The following CHCHD3 variants were observed in gnomAD, a reference collection of about 807,000 sequenced individuals.
The protein encoded by CHCHD3 is MICOS complex subunit MIC19.
A neutral mutation model predicts 38.2 loss-of-function variants in CHCHD3; 20 were observed. The ratio of observed to expected loss-of-function variants is 0.52; its 90% CI spans 0.37 to 0.76. The LOEUF (loss-of-function observed/expected upper bound fraction) is 0.76. CHCHD3 is among the 30% of genes least tolerant of loss of function. CHCHD3 has a pLI of 0.00. For missense variants in CHCHD3, 245 were observed against 279.2 expected, an observed-to-expected ratio of 0.88 and a Z score of 0.87; for synonymous variants, 82 against 100.0, an observed-to-expected ratio of 0.82 and a Z score of 1.07.
At chr7:132,829,561 A>C (rs373109862) in intron 6 of CHCHD3, among the ~76,000 whole-genome samples, 1 of 152,208 alleles carries the variant, frequency 6.6e-6, no homozygotes, top group East Asian at 1.9e-4. Context: ...ACATGTTTAC[A>C]CATAAACCAC....
At chr7:133,062,093 T>A (rs1267176332) in intron 2 of CHCHD3, among the ~76,000 whole-genome samples, 4 of 151,560 alleles carry the variant, frequency 2.6e-5, no homozygotes, top group African/African-American at 9.8e-5. Flanking sequence ...ACCTTACTTT[T>A]AAATTTTTTT....
At chr7:132,891,410 A>C (rs1809356543) in intron 4 of CHCHD3, among the ~76,000 whole-genome samples, 2 of 152,204 alleles carry the variant, frequency 1.3e-5, no homozygotes, top group South Asian at 4.1e-4. Context: ...ACTGATGTCC[A>C]CTAACACTAT....
At chr7:132,970,969 T>C (rs1035399106) in intron 4 of CHCHD3, among the ~76,000 whole-genome samples, 2 of 151,948 alleles carry the variant, frequency 1.3e-5, no homozygotes, top group Admixed American at 6.6e-5. Context: ...ATTTAAAAAA[T>C]CTAACATTAA....
At chr7:133,066,217 T>C (rs1751262741) in intron 2 of CHCHD3, among the ~76,000 whole-genome samples, 1 of 152,078 alleles carries the variant, frequency 6.6e-6, no homozygotes, top group South Asian at 2.1e-4. Flanking sequence ...ATTTGGAAAG[T>C]GTAGTTCTAG....
chr7:132,841,347 G>GT, intron 5 of CHCHD3, among the ~76,000 whole-genome samples: 1 of 148,978 alleles, frequency 6.7e-6, no homozygotes, highest in Non-Finnish European at 1.5e-5. Flanking sequence ...TTCAGAAAGA[G>GT]TAGAGATCTC....
At chr7:133,050,847 T>C (rs1168237023) in intron 2 of CHCHD3, among the ~76,000 whole-genome samples, 3 of 151,884 alleles carry the variant, frequency 2.0e-5, no homozygotes. Context: ...AAGCCCTGTC[T>C]CTGCTAAAAA....
chr7:132,881,800 T>C (rs1391460719), intron 5 of CHCHD3, among the ~76,000 whole-genome samples: 3 of 152,188 alleles, frequency 2.0e-5, no homozygotes, highest in African/African-American at 4.8e-5. Flanking sequence ...GAATTCCTAA[T>C]AGAAATAGTT....
chr7:132,850,576 G>A lies in CHCHD3; in HGVS notation c.454-12107C>T, dbSNP rs141899066. On this transcript the variant is annotated intron_variant, in intron 5 of 7. Transcript: ENST00000262570. The stretch of plus-strand genomic sequence containing the variant: ...TCATGCCTCAGTTTCTTCATCTGGG[G>A]AATTAAAATAAACAACTGCACCAAA... Among the ~76,000 whole-genome samples, 380 of 151,820 alleles carry A rather than the reference G, an allele frequency of 2.5e-3. 9 individuals are homozygous for A. The East Asian group carries it at 0.038, about 15-fold the overall frequency.
intron 6 of CHCHD3, among the ~76,000 whole-genome samples, chr7:132,812,817 C>A (rs756410832): frequency 6.6e-6 from 1 of 152,214 alleles, no homozygotes; most frequent in Non-Finnish European, 1.5e-5. Flanking sequence ...CTGCCTCCAT[C>A]TCTCTCTACG....
intron 3 of CHCHD3, among the ~76,000 whole-genome samples, chr7:133,016,718 CAG>C (rs1813040928): frequency 6.6e-6 from 1 of 152,190 alleles, no homozygotes; most frequent in South Asian, 2.1e-4. Flanking sequence ...GGAGGGGAAA[CAG>C]GGACTCTCTC....
At chr7:132,981,751 A>G (rs1307053716) in intron 3 of CHCHD3, among the ~76,000 whole-genome samples, 1 of 152,244 alleles carries the variant, frequency 6.6e-6, no homozygotes, top group East Asian at 1.9e-4. Context: ...ACATAAGGCC[A>G]TTACACTATG....
intron 4 of CHCHD3, among the ~76,000 whole-genome samples, chr7:132,939,371 T>A (rs1018172069): frequency 1.1e-4 from 16 of 152,292 alleles, no homozygotes; most frequent in Non-Finnish European, 2.2e-4. Flanking sequence ...TATACAAGTA[T>A]ACCATTTTTA....
In CHCHD3 at chr7:132,807,174, C is replaced by T. The variant is rs146089327; in HGVS notation, c.525-10597G>A. ...GGAGCTGGACACAGAACAGCAGAGA[C>T]GGAGTATGAACTTGGGGGAGGCCCC... On this transcript the variant is annotated intron_variant, in intron 6 of 7. Transcript: ENST00000262570. Among the ~76,000 whole-genome samples, 329 of 152,238 alleles carry T rather than the reference C, an allele frequency of 2.2e-3. 3 individuals carry two copies. Among genetic ancestry groups the T allele is most frequent in the African/African-American group, 7.5e-3 (313 of 41,546 alleles).
At chr7:133,022,910 AG>A (rs1275239340) in intron 3 of CHCHD3, among the ~76,000 whole-genome samples, 1 of 139,048 alleles carries the variant, frequency 7.2e-6, no homozygotes, top group Non-Finnish European at 1.6e-5. Context: ...CACCATATGG[AG>A]AGAAGGGAAG....
intron 3 of CHCHD3, among the ~76,000 whole-genome samples, 158 bp from the exon 4 acceptor site, chr7:132,975,444 G>T (rs925862976): frequency 6.6e-6 from 1 of 152,122 alleles, no homozygotes; most frequent in Non-Finnish European, 1.5e-5. Flanking sequence ...AGGTATAGAG[G>T]TAAATCCCCA....
At chr7:132,793,789 T>C (rs760010630) in intron 7 of CHCHD3, among the ~76,000 whole-genome samples, 13 of 152,370 alleles carry the variant, frequency 8.5e-5, no homozygotes, top group Admixed American at 2.6e-4. Flanking sequence ...TTGTCATGTA[T>C]AGTATTTTCC....
intron 4 of CHCHD3, among the ~76,000 whole-genome samples, chr7:132,913,662 ATGTCCAGGATGAACAAGTGT>A (rs2117223909): frequency 6.6e-6 from 1 of 152,340 alleles, no homozygotes; most frequent in South Asian, 2.1e-4. Context: ...TTACCACATC[ATGTCCAGGATGAACAAGTGT>A]GGAGAATGAA....
intron 1 of CHCHD3, among the ~76,000 whole-genome samples, chr7:133,071,351 TAG>T (rs1171526788): frequency 6.6e-6 from 1 of 152,048 alleles, no homozygotes; most frequent in Non-Finnish European, 1.5e-5. Context: ...AGCAAGAAAA[TAG>T]AGAGAGGGCA....
chr7:132,929,904 T>C (rs911133859), intron 4 of CHCHD3, among the ~76,000 whole-genome samples: 1 of 152,148 alleles, frequency 6.6e-6, no homozygotes, highest in African/African-American at 2.4e-5. Context: ...GAATATGGCA[T>C]ATTATTTCCT....
Sources: allele counts gnomAD v4.1 joint callset (sites outside exome capture counted in the v4.1 genomes callset), GRCh38; gene constraint gnomAD v4.1.1; transcripts MANE v1.5; gene names NCBI Gene and HGNC (gene_info 2026-07-23, HGNC 2026-07-21).